The following FSTL4 variants were observed in gnomAD, a reference collection of about 807,000 sequenced individuals.
FSTL4 encodes follistatin-related protein 4.
A neutral mutation model predicts 78.2 loss-of-function variants in FSTL4; 28 were observed. That is an observed-to-expected ratio of 0.36 (90% CI 0.27 to 0.49). The LOEUF (loss-of-function observed/expected upper bound fraction) is 0.49. Among genes scored for constraint, FSTL4 ranks in the 20% least tolerant of loss-of-function variants. The pLI is 0.98. For missense variants in FSTL4, 922 were observed against 1,084.9 expected (o/e 0.85, Z 2.11); for synonymous variants, 422 against 440.5 (o/e 0.96, Z 0.53).
At position 133,261,426 on chromosome 5, in the gene FSTL4, C is replaced by T. The variant is rs568400653; in HGVS notation, c.728-11850G>A. 6.6e-5 allele frequency among the ~76,000 whole-genome samples: 10 copies of T among 152,038 alleles called. No homozygotes were observed. The South Asian group carries it at 8.3e-4, about 13-fold the overall frequency. The stretch of plus-strand genomic sequence containing the variant: ...CAAATGGATGGACCCCCCTCTTAGC[C>T]GAGAAGACCCCAGAAAACTCTTAAA... On this transcript the variant is annotated intron_variant, in intron 6 of 15. Coordinates refer to ENST00000265342, the MANE Select transcript of FSTL4 (RefSeq NM_015082.2).
the FSTL4 span, among the ~76,000 whole-genome samples, chr5:133,698,233 C>G: frequency 5.3e-5 from 8 of 152,084 alleles, no homozygotes; most frequent in Admixed American, 4.6e-4. Flanking sequence ...CCCCCAGAGA[C>G]AGGAGGAAAA....
At chr5:133,438,451 G>C in intron 3 of FSTL4, among the ~76,000 whole-genome samples, 1 of 152,216 alleles carries the variant, frequency 6.6e-6, no homozygotes, top group Non-Finnish European at 1.5e-5. Context: ...ATTGGTGGTA[G>C]GAATTATATT....
At chr5:133,445,925 G>C (rs896620288) in intron 3 of FSTL4, among the ~76,000 whole-genome samples, 3 of 152,216 alleles carry the variant, frequency 2.0e-5, no homozygotes, top group Non-Finnish European at 4.4e-5. Flanking sequence ...ATGGCAGGCT[G>C]GGTGCCATTC....
At chr5:133,452,001 A>T (rs575622318) in intron 3 of FSTL4, among the ~76,000 whole-genome samples, 15 of 152,358 alleles carry the variant, frequency 9.8e-5, no homozygotes, top group Admixed American at 4.6e-4. Context: ...AGATGCAGAT[A>T]CAAAAAGTAT....
At chr5:133,829,781 G>A in the FSTL4 span, among the ~76,000 whole-genome samples, 7 of 152,216 alleles carry the variant, frequency 4.6e-5, no homozygotes, top group Non-Finnish European at 5.9e-5. Flanking sequence ...GAGCCTTGCT[G>A]CCAGCCCTGA....
chr5:133,410,148 A>C (rs1315399059), intron 3 of FSTL4, among the ~76,000 whole-genome samples: 1 of 152,244 alleles, frequency 6.6e-6, no homozygotes, highest in Non-Finnish European at 1.5e-5. Context: ...CTGCATAAAA[A>C]TGTCAAGTAC....
chr5:133,779,759 C>T, the FSTL4 span, among the ~76,000 whole-genome samples: 1 of 152,192 alleles, frequency 6.6e-6, no homozygotes, highest in African/African-American at 2.4e-5. Context: ...CTCTATCCCA[C>T]CTCCCCAGCT....
chr5:133,531,419 C>T (rs567879230), intron 3 of FSTL4, among the ~76,000 whole-genome samples: 4 of 152,194 alleles, frequency 2.6e-5, no homozygotes, highest in South Asian at 4.2e-4. Flanking sequence ...ACTCATGAGG[C>T]CTTAAGCGTC....
At chr5:133,713,309 A>G in the FSTL4 span, among the ~76,000 whole-genome samples, 2 of 152,222 alleles carry the variant, frequency 1.3e-5, no homozygotes, top group African/African-American at 4.8e-5. Context: ...TTTGCTTTAG[A>G]CAAACCCATA....
At chr5:133,636,166 T>G in the FSTL4 span, among the ~76,000 whole-genome samples, 1 of 152,204 alleles carries the variant, frequency 6.6e-6, no homozygotes, top group Non-Finnish European at 1.5e-5. Context: ...CTTCTGGTTA[T>G]ATTCAAGGCA....
the FSTL4 span, among the ~76,000 whole-genome samples, chr5:133,624,751 T>C: frequency 6.6e-6 from 1 of 151,878 alleles, no homozygotes; most frequent in Non-Finnish European, 1.5e-5. Context: ...CAATTTTTCT[T>C]TTTTTTCAAA....
intron 4 of FSTL4, among the ~76,000 whole-genome samples, chr5:133,360,915 T>C (rs1213556853): frequency 6.6e-6 from 1 of 152,230 alleles, no homozygotes; most frequent in Non-Finnish European, 1.5e-5. Flanking sequence ...CATCTTACCG[T>C]GTGTTGCATT....
rs1751681153 is a variant in FSTL4, at chr5:133,236,933, C to A, written c.895-3396G>T. ...CTTCCCCTGCAGAATGTGAGCTCTG[C>A]AGAGGAGGGCAGGGAGGCTTGTGCC... On this transcript the variant is annotated intron_variant, in intron 7 of 15. Transcript: ENST00000265342. This position sits in a 1 kb window ranked among gnomAD's most constrained non-coding sequence, Gnocchi z 5.0. Among the ~76,000 whole-genome samples the A allele has an allele frequency of 6.6e-6, 1 of 152,228 alleles. No homozygotes were observed. The highest frequency in any genetic ancestry group is 2.1e-4 in the South Asian group (1 of 4,830).
At chr5:133,238,840 C>T (rs1354641708) in intron 7 of FSTL4, among the ~76,000 whole-genome samples, 1 of 152,242 alleles carries the variant, frequency 6.6e-6, no homozygotes, top group African/African-American at 2.4e-5. Flanking sequence ...GCAGCCCTCG[C>T]AGCCCTTGCT....
intron 13 of FSTL4, among the ~76,000 whole-genome samples, chr5:133,210,695 C>T (rs535915546): frequency 6.6e-5 from 10 of 151,980 alleles, no homozygotes; most frequent in South Asian, 6.3e-4. Context: ...TTCTCCATGT[C>T]GGTCAGGCTG....
At chr5:133,652,555 T>A in the FSTL4 span, among the ~76,000 whole-genome samples, 1 of 152,018 alleles carries the variant, frequency 6.6e-6, no homozygotes, top group East Asian at 1.9e-4. Context: ...TATTTGGGGA[T>A]TTCCTAGCTA....
At chr5:133,325,989 T>G (rs1754202977) in intron 4 of FSTL4, among the ~76,000 whole-genome samples, 1 of 152,238 alleles carries the variant, frequency 6.6e-6, no homozygotes, top group Non-Finnish European at 1.5e-5. Context: ...CCATGTTATA[T>G]AGCTCAGTGC....
chr5:133,432,498 G>A (rs1756960341), intron 3 of FSTL4, among the ~76,000 whole-genome samples: 1 of 152,214 alleles, frequency 6.6e-6, no homozygotes, highest in Non-Finnish European at 1.5e-5. Flanking sequence ...GGGGTGGTGT[G>A]AGAATTAAGA....
the FSTL4 span, among the ~76,000 whole-genome samples, chr5:133,655,515 G>C: frequency 1.3e-5 from 2 of 152,182 alleles, no homozygotes; most frequent in South Asian, 2.1e-4. Flanking sequence ...TGTTCATTAA[G>C]AGTCATTTAC....
Sources: gnomAD v4.1 joint callset for allele counts (sites outside exome capture counted in the v4.1 genomes callset) on GRCh38, gnomAD v4.1.1 for gene constraint, Gnocchi (gnomAD v3.1) non-coding constraint, MANE v1.5 for transcripts, NCBI Gene and HGNC (gene_info 2026-07-23, HGNC 2026-07-21) for gene names.